The following PRXL2A variants were observed in gnomAD, a reference collection of about 807,000 sequenced individuals.
PRXL2A encodes peroxiredoxin like 2A.
In PRXL2A, 26 loss-of-function variants were observed where a neutral mutation model predicts 25.6. That is an observed-to-expected ratio of 1.02 (90% CI 0.74 to 1.41). PRXL2A has a LOEUF of 1.41. PRXL2A is among the 40% of genes most tolerant of loss of function. PRXL2A has a pLI of 0.00. For synonymous variants in PRXL2A, 98 were observed against 102.9 expected (o/e 0.95, Z 0.29); for missense variants, 246 against 273.9 (o/e 0.90, Z 0.72).
chr10:80,413,581 T>C (rs968655215), intron 1 of PRXL2A, among the ~76,000 whole-genome samples: 1 of 152,248 alleles, frequency 6.6e-6, no homozygotes, highest in African/African-American at 2.4e-5. Context: ...AGGAGTCTGG[T>C]GGCACTTGGG....
At chr10:80,431,355 A>T (rs1042541311) in intron 5 of PRXL2A, among the ~76,000 whole-genome samples, 1 of 151,040 alleles carries the variant, frequency 6.6e-6, no homozygotes, top group Non-Finnish European at 1.5e-5. Context: ...TCTTTTTAAG[A>T]TGAGTTTCCA....
chr10:80,432,662 T>G lies in PRXL2A; in HGVS notation c.*563T>G, dbSNP rs1453071062. On this transcript the variant is annotated 3_prime_UTR_variant, in exon 6 of 6. Coordinates refer to ENST00000606162, the MANE Select transcript of PRXL2A (RefSeq NM_032333.5). ...AAAAAAAAAAAAAAAAAAAATTGAT[T>G]GCTGTGCCTCATTACAAATGCATAT... 6.7e-6 allele frequency: 1 copy of G among 150,272 alleles called. No homozygotes were observed. The highest frequency in any genetic ancestry group is 2.4e-5 in the African/African-American group (1 of 40,930). 9.3% of individuals were successfully genotyped at this position (150,272 alleles called of 1,614,324 possible).
rs1302561131 is a variant in PRXL2A at position 80,435,383 on chromosome 10, TCC to T, written c.*3285_*3286del. 1 of 152,130 alleles carries T rather than the reference TCC, an allele frequency of 6.6e-6. No individual in the cohort carries two copies. The highest frequency in any genetic ancestry group is 2.4e-5 in the African/African-American group (1 of 41,414). The allele number at this position is 152,130 out of a possible 1,614,324, so 9.4% of individuals were successfully genotyped here. Reference sequence around the variant, plus strand: ...CTATGCTAGTGTTTGTTCAAGTCTCTCCGTGTCCGGGGTGAGCAAAATTGTTT... The same window carrying T: ...CTATGCTAGTGTTTGTTCAAGTCTCTGTGTCCGGGGTGAGCAAAATTGTTT... On this transcript the variant is annotated 3_prime_UTR_variant, in exon 6 of 6. Coordinates refer to ENST00000606162, the MANE Select transcript of PRXL2A (RefSeq NM_032333.5).
intron 1 of PRXL2A, chr10:80,409,209 T>A (rs1318970261): frequency 9.3e-6 from 3 of 323,054 alleles, no homozygotes; most frequent in Non-Finnish European, 1.3e-5. Flanking sequence ...CGCCTGACTT[T>A]AAATTGGGTA....
In PRXL2A at chr10:80,432,108, A is replaced by C. The variant is rs758220172; in HGVS notation, c.*9A>C. On this transcript the variant is annotated 3_prime_UTR_variant, in exon 6 of 6. Coordinates refer to ENST00000606162, the MANE Select transcript of PRXL2A (RefSeq NM_032333.5). ...CCTCAGAGAAAAAATGATTGTGTGA[A>C]ACTGCCCAGCTCAGGGATAACCAGG... 6.5e-7 allele frequency: 1 copy of C among 1,532,180 alleles called. No individual in the cohort carries two copies. Among genetic ancestry groups the C allele is most frequent in the Non-Finnish European group, 9.0e-7 (1 of 1,111,472 alleles). 94.9% of individuals were successfully genotyped at this position (1,532,180 alleles called of 1,614,324 possible). A position where few individuals can be genotyped will look rare whatever the true frequency, so the allele number is the denominator to read the frequency against.
At chr10:80,429,068 A>AT (rs1271832890) in intron 5 of PRXL2A, among the ~76,000 whole-genome samples, 1 of 151,666 alleles carries the variant, frequency 6.6e-6, no homozygotes, top group African/African-American at 2.4e-5. Flanking sequence ...CACCCAGCTA[A>AT]TTTTTTTGTA....
At position 80,426,002 on chromosome 10, in the gene PRXL2A, A is replaced by C. The variant is rs1372590944; in HGVS notation, c.407A>C (p.Glu136Ala). The C allele has an allele frequency of 6.2e-7, 1 of 1,614,192 alleles. No individual in the cohort carries two copies. The highest frequency in any genetic ancestry group is 1.3e-5 in the African/African-American group (1 of 75,044). Reference protein sequence around the residue: ...PYFKGEIFLDEKKKFYGPQRR... With the variant: ...PYFKGEIFLDAKKKFYGPQRR... ...TTCAAAGGAGAAATCTTCCTGGATG[A>C]AAAGGTGTGTGTGATGGGAGGCTTT... The change falls in exon 4 of 6, where the codon GAA (glutamate) becomes GCA (alanine). Residue 136 changes from glutamate (E) to alanine (A), a missense_variant. Physicochemically the swap from Glu to Ala is moderately radical, Grantham distance 107. Transcript: ENST00000606162.
In PRXL2A at chr10:80,423,069, A is replaced by G. The variant is rs114728433; in HGVS notation, c.270+561A>G. Among the ~76,000 whole-genome samples the G allele has an allele frequency of 3.9e-4, 60 of 152,316 alleles. 1 individual carries two copies. The highest frequency in any genetic ancestry group is 1.3e-3 in the African/African-American group (52 of 41,570). ...GCTCTCAGCATTGAATCTGTAGCTC[A>G]GTGGGATTTCAGTCATGCCAGTAGT... is the stretch of plus-strand genomic sequence containing the variant. On this transcript the variant is annotated intron_variant, in intron 3 of 5. Transcript: ENST00000606162.
intron 5 of PRXL2A, among the ~76,000 whole-genome samples, chr10:80,429,958 G>A (rs183526238): frequency 3.9e-4 from 59 of 152,266 alleles, no homozygotes; most frequent in African/African-American, 1.3e-3. Context: ...ACTTTTGTTC[G>A]TATTCCCTGG....
At chr10:80,412,258 G>A (rs149168846) in intron 1 of PRXL2A, among the ~76,000 whole-genome samples, 8 of 152,288 alleles carry the variant, frequency 5.3e-5, no homozygotes, top group Admixed American at 2.0e-4. Flanking sequence ...TGCCCTGCTA[G>A]TGAGCAGTAG....
In PRXL2A at chr10:80,434,589, A is replaced by C. The variant is rs1390685917; in HGVS notation, c.*2490A>C. 6.6e-6 allele frequency: 1 copy of C among 152,228 alleles called. No individual in the cohort carries two copies. The highest frequency in any genetic ancestry group is 2.1e-4 in the South Asian group (1 of 4,830). 9.4% of individuals were successfully genotyped at this position (152,228 alleles called of 1,614,324 possible). The stretch of plus-strand genomic sequence containing the variant: ...TCAGTATAGAACTGAGCTTAGCTCC[A>C]ATCTGTGCAGAGGTGATGGAATTTT... On this transcript the variant is annotated 3_prime_UTR_variant, in exon 6 of 6. Transcript: ENST00000606162.
Position 80,436,043 on chromosome 10 carries a change from GGT to G in PRXL2A, c.*3946_*3947del, listed in dbSNP as rs1315276251. On this transcript the variant is annotated 3_prime_UTR_variant, in exon 6 of 6. Transcript: ENST00000606162. ...TCTCGGATACACAGTAGAATCACCT[GGT>G]GCGGGGGTTGGGGGCGGGGTGCAGT... is the stretch of plus-strand genomic sequence containing the variant. 6.6e-6 allele frequency: 1 copy of G among 152,004 alleles called. No individual in the cohort carries two copies. The highest frequency in any genetic ancestry group is 1.9e-4 in the East Asian group (1 of 5,182). The allele number at this position is 152,004 out of a possible 1,614,324, so 9.4% of individuals were successfully genotyped here. A position where few individuals can be genotyped will look rare whatever the true frequency, so the allele number is the denominator to read the frequency against.
chr10:80,426,378 TTG>T (rs2131904883), intron 4 of PRXL2A, among the ~76,000 whole-genome samples: 1 of 152,374 alleles, frequency 6.6e-6, no homozygotes, highest in East Asian at 1.9e-4. Context: ...TAAAATAGGA[TTG>T]TGTTACATGA....
At chr10:80,412,621 A>G (rs963788166) in intron 1 of PRXL2A, among the ~76,000 whole-genome samples, 3 of 152,198 alleles carry the variant, frequency 2.0e-5, no homozygotes, top group East Asian at 3.9e-4. Flanking sequence ...CATGCACGCT[A>G]TAGAAGAGGT....
chr10:80,425,157 T>G (rs2082695261), intron 3 of PRXL2A, among the ~76,000 whole-genome samples: 1 of 152,206 alleles, frequency 6.6e-6, no homozygotes, highest in South Asian at 2.1e-4. Flanking sequence ...GAAAAAAGGA[T>G]TGAGTTCTTA....
intron 5 of PRXL2A, among the ~76,000 whole-genome samples, chr10:80,429,440 TAACTC>T (rs1198052569): frequency 3.3e-5 from 5 of 152,148 alleles, no homozygotes; most frequent in Non-Finnish European, 7.3e-5. Context: ...AGATTTAAAA[TAACTC>T]AGCCAAAGAC....
chr10:80,417,744 A>G (rs145508684), intron 1 of PRXL2A, among the ~76,000 whole-genome samples: 1 of 128,390 alleles, frequency 7.8e-6, no homozygotes, highest in Non-Finnish European at 1.6e-5. Context: ...CTTCTTCTTC[A>G]TCTTTTTTTT....
chr10:80,427,124 C>G (rs2131906477), intron 4 of PRXL2A, among the ~76,000 whole-genome samples: 2 of 127,972 alleles, frequency 1.6e-5, no homozygotes, highest in South Asian at 5.1e-4. Context: ...GCCTGACTGA[C>G]AGAGCAAGAC....
In PRXL2A at chr10:80,427,384, G is replaced by A. The variant is rs763602977; in HGVS notation, c.464G>A (p.Arg155His). The A allele has an allele frequency of 5.6e-5, 91 of 1,613,982 alleles. 1 individual carries two copies. The highest frequency in any genetic ancestry group is 2.2e-4 in the South Asian group (20 of 91,084). ...AAGATGATGTTTATGGGATTTATCC[G>A]TCTGGGAGTGTGGTACAACTTCTTC... is the stretch of plus-strand genomic sequence containing the variant. ...RRKMMFMGFI[R>H]LGVWYNFFRA... is the part of the protein sequence containing the mutation. The change falls in exon 5 of 6, where the codon CGT (arginine) becomes CAT (histidine). Residue 155 changes from arginine to histidine, a missense_variant. Physicochemically the swap from Arg to His is conservative, Grantham distance 29. Coordinates refer to ENST00000606162, the MANE Select transcript of PRXL2A (RefSeq NM_032333.5).
Sources: gnomAD v4.1 joint callset for allele counts (sites outside exome capture counted in the v4.1 genomes callset) on GRCh38, gnomAD v4.1.1 for gene constraint, MANE v1.5 for transcripts, NCBI Gene and HGNC (gene_info 2026-07-23, HGNC 2026-07-21) for gene names.